Variants in MACROD2 observed in about 807,000 individuals in gnomAD.
The protein encoded by MACROD2 is mono-ADP ribosylhydrolase 2.
MACROD2 carries 36 observed loss-of-function variants against 70.4 expected under a neutral mutation model. The observed-to-expected ratio is 0.51, with a 90% CI of 0.39 to 0.68. The LOEUF (loss-of-function observed/expected upper bound fraction) is 0.68. Ranked by LOEUF, MACROD2 falls within the 30% of genes least tolerant of loss-of-function variation. The pLI is 0.00. For missense variants in MACROD2, 496 were observed against 538.4 expected, an observed-to-expected ratio of 0.92 and a Z score of 0.78; for synonymous variants, 172 against 178.8, an observed-to-expected ratio of 0.96 and a Z score of 0.30.
At chr20:15,633,207 T>C (rs933039076) in intron 8 of MACROD2, among the ~76,000 whole-genome samples, 2 of 136,934 alleles carry the variant, frequency 1.5e-5, no homozygotes, top group Non-Finnish European at 3.1e-5. Context: ...TGCATTGAAA[T>C]AAAGAGGACT....
chr20:14,193,569 C>T (rs773137932), intron 3 of MACROD2, among the ~76,000 whole-genome samples: 1 of 152,124 alleles, frequency 6.6e-6, no homozygotes, highest in Non-Finnish European at 1.5e-5. Context: ...GAAGGTATTA[C>T]CAACCCTAGG....
chr20:14,242,989 C>G (rs992761639), intron 3 of MACROD2, among the ~76,000 whole-genome samples: 2 of 152,164 alleles, frequency 1.3e-5, no homozygotes, highest in African/African-American at 4.8e-5. Context: ...GATCATAATA[C>G]CTTCTTAAAC....
chr20:15,065,311 C>T (rs1314822485), intron 5 of MACROD2, among the ~76,000 whole-genome samples: 1 of 152,140 alleles, frequency 6.6e-6, no homozygotes, highest in East Asian at 1.9e-4. Flanking sequence ...AGTACCATTG[C>T]TTTTGTCTTC....
chr20:14,138,138 C>A (rs920717363), intron 3 of MACROD2, among the ~76,000 whole-genome samples: 1 of 152,058 alleles, frequency 6.6e-6, no homozygotes, highest in African/African-American at 2.4e-5. Context: ...AAAAGGGAAC[C>A]TTATACATTG....
intron 8 of MACROD2, among the ~76,000 whole-genome samples, chr20:15,765,593 T>G (rs562520594): frequency 6.6e-6 from 1 of 152,362 alleles, no homozygotes; most frequent in African/African-American, 2.4e-5. Context: ...ATAAATACTA[T>G]GATTATCCTT....
intron 4 of MACROD2, among the ~76,000 whole-genome samples, chr20:14,526,593 T>C (rs562280810): frequency 5.9e-5 from 9 of 152,328 alleles, no homozygotes; most frequent in Non-Finnish European, 1.3e-4. Context: ...ATTGCACTCT[T>C]AAGTTCAACT....
chr20:14,062,516 G>A (rs529041068), intron 2 of MACROD2, among the ~76,000 whole-genome samples: 1 of 152,256 alleles, frequency 6.6e-6, no homozygotes, highest in East Asian at 1.9e-4. Context: ...TGGCATTCCA[G>A]TTAGAACAAT....
At chr20:15,681,462 T>C (rs903364944) in intron 8 of MACROD2, among the ~76,000 whole-genome samples, 1 of 152,170 alleles carries the variant, frequency 6.6e-6, no homozygotes, top group Admixed American at 6.5e-5. Flanking sequence ...GGCCTGACAT[T>C]GTAGCTCTTT....
chr20:14,465,724 G>A (rs2123030825), intron 3 of MACROD2, among the ~76,000 whole-genome samples: 1 of 152,172 alleles, frequency 6.6e-6, no homozygotes, highest in East Asian at 1.9e-4. Flanking sequence ...TTTAGGGCAG[G>A]CCTAGTGGTG....
At chr20:15,010,155 T>G (rs577915404) in intron 5 of MACROD2, among the ~76,000 whole-genome samples, 2 of 152,264 alleles carry the variant, frequency 1.3e-5, no homozygotes, top group Non-Finnish European at 1.5e-5. Context: ...GAAAAAGAGT[T>G]TTTTGAAATG....
intron 7 of MACROD2, among the ~76,000 whole-genome samples, chr20:15,461,878 C>G (rs1433239480): frequency 6.6e-6 from 1 of 152,044 alleles, no homozygotes; most frequent in Admixed American, 6.6e-5. Context: ...GTAAATGGAG[C>G]CTTTTCTATG....
chr20:14,668,218 A>G (rs2070757698), intron 4 of MACROD2, among the ~76,000 whole-genome samples: 1 of 152,078 alleles, frequency 6.6e-6, no homozygotes, highest in Non-Finnish European at 1.5e-5. Flanking sequence ...AACTTTGTGT[A>G]GCGTCCTTTC....
At chr20:14,468,553 C>T (rs1018190249) in intron 3 of MACROD2, among the ~76,000 whole-genome samples, 10 of 151,190 alleles carry the variant, frequency 6.6e-5, no homozygotes, top group African/African-American at 1.5e-4. Flanking sequence ...CACTCTGTCA[C>T]CGAGGCTGGA....
At chr20:15,292,479 A>T (rs1267912006) in intron 6 of MACROD2, among the ~76,000 whole-genome samples, 1 of 152,134 alleles carries the variant, frequency 6.6e-6, no homozygotes, top group East Asian at 1.9e-4. Context: ...ACCCATGGGG[A>T]TTATGGGAGC....
rs2064236130 is a variant in MACROD2, at chr20:15,846,855, CTCCTT to C, written c.646-15889_646-15885del. Among the ~76,000 whole-genome samples, 6 of 139,854 alleles carry C rather than the reference CTCCTT, an allele frequency of 4.3e-5. No homozygotes were observed. In the South Asian group the frequency reaches 1.4e-3, roughly 32 times the overall value. 91.7% of individuals were successfully genotyped at this position (139,854 alleles called of 152,430 possible). A position where few individuals can be genotyped will look rare whatever the true frequency, so the allele number is the denominator to read the frequency against. On this transcript the variant is annotated intron_variant, in intron 8 of 17. Transcript: ENST00000684519. ...GCATCAAGAAAAAACAACAAAATAA[CTCCTT>C]AAAAACAAGGGCTTTTTCTAAAGTG...
At chr20:15,063,147 C>T (rs1232826062) in intron 5 of MACROD2, among the ~76,000 whole-genome samples, 2 of 152,154 alleles carry the variant, frequency 1.3e-5, no homozygotes, top group African/African-American at 2.4e-5. Flanking sequence ...AGGCATGGCT[C>T]CCAGCTCACA....
intron 4 of MACROD2, among the ~76,000 whole-genome samples, chr20:14,651,184 C>T (rs956079674): frequency 3.9e-5 from 6 of 152,148 alleles, no homozygotes; most frequent in East Asian, 1.9e-4. Flanking sequence ...AAGACAGGGA[C>T]AGCGTATGCT....
In MACROD2 at chr20:15,527,548, T is replaced by G. The variant is rs551860883; in HGVS notation, c.645+27701T>G. Among the ~76,000 whole-genome samples the G allele has an allele frequency of 3.9e-5, 6 of 152,324 alleles. No individual in the cohort carries two copies. In the South Asian group the frequency reaches 1.2e-3, roughly 32 times the overall value. On this transcript the variant is annotated intron_variant, in intron 8 of 17. Transcript: ENST00000684519. ...GTCACACCGCTCCCCAGATTCCTGA[T>G]GTGTTGCAGCCATTTTTCTCCCTAT...
At chr20:15,854,767 G>T (rs2064338821) in intron 8 of MACROD2, among the ~76,000 whole-genome samples, 1 of 152,112 alleles carries the variant, frequency 6.6e-6, no homozygotes, top group Admixed American at 6.6e-5. Context: ...GCTTCCCTTT[G>T]CTGCTCTGTT....
Sources: gnomAD v4.1 joint callset for allele counts (sites outside exome capture counted in the v4.1 genomes callset) on GRCh38, gnomAD v4.1.1 for gene constraint, MANE v1.5 for transcripts, NCBI Gene and HGNC (gene_info 2026-07-23, HGNC 2026-07-21) for gene names.